Variants in IL1RL1 observed in about 807,000 individuals in gnomAD.
IL1RL1 encodes interleukin 1 receptor like 1.
IL1RL1 carries 32 observed loss-of-function variants against 50.9 expected under a neutral mutation model. The ratio of observed to expected loss-of-function variants is 0.63; its 90% CI spans 0.47 to 0.84. The LOEUF is 0.84. IL1RL1 is among the 40% of genes least tolerant of loss of function. The pLI is 0.00. For synonymous variants in IL1RL1, 275 were observed against 236.0 expected (o/e 1.17, Z -1.51); for missense variants, 773 against 662.9 (o/e 1.17, Z -1.82).
chr2:102,339,094 T>A, intron 3 of IL1RL1, 47 bp downstream of exon 3: 1 of 1,389,142 alleles, frequency 7.2e-7, no homozygotes. Flanking sequence ...CTCCCCTTTC[T>A]TCAGTGGTTG....
intron 6 of IL1RL1, among the ~76,000 whole-genome samples, 194 bp from the exon 7 acceptor site, chr2:102,342,842 G>A (rs1677623008): frequency 6.6e-6 from 1 of 152,106 alleles, no homozygotes; most frequent in Non-Finnish European, 1.5e-5. Flanking sequence ...AAACCCAGCT[G>A]GGTGAATGAA....
At position 102,340,126 on chromosome 2, in the gene IL1RL1, A is replaced by G; in HGVS notation, c.301A>G (p.Asn101Asp). ...CACATTCAATAGGACTGGATATGCG[A>G]ATGTCACCATATATAAAAAACAATC... ...SPTFNRTGYA[N>D]VTIYKKQSDC... Residue 101 changes from asparagine (N) to aspartate (D), a missense_variant, in exon 4 of 11, where the codon AAT (asparagine) becomes GAT (aspartate). Asn to Asp is a conservative substitution (Grantham distance 23). Coordinates refer to ENST00000233954, the MANE Select transcript of IL1RL1 (RefSeq NM_016232.5). 2 of 1,578,764 alleles carry G rather than the reference A, an allele frequency of 1.3e-6. No individual in the cohort carries two copies. Among genetic ancestry groups the G allele is most frequent in the Non-Finnish European group, 1.7e-6 (2 of 1,161,050 alleles).
rs1677182308 is a variant in IL1RL1, at chr2:102,331,656, G to T, written c.-149-6460G>T. Among the ~76,000 whole-genome samples the T allele has an allele frequency of 2.6e-5, 4 of 152,228 alleles. No homozygotes were observed. In the South Asian group the frequency reaches 8.3e-4, roughly 32 times the overall value. On this transcript the variant is annotated intron_variant, in intron 1 of 10. Coordinates refer to ENST00000233954, the MANE Select transcript of IL1RL1 (RefSeq NM_016232.5). ...TAAAAGAAATAAGACAGATATTCGG[G>T]GTAGAGATGTAAGAGCATGGTGAAA...
At chr2:102,347,657 C>T (rs1485789523) in intron 8 of IL1RL1, among the ~76,000 whole-genome samples, 1 of 152,202 alleles carries the variant, frequency 6.6e-6, no homozygotes, top group Admixed American at 6.5e-5. Context: ...AGCTCTCCTT[C>T]TAAACTCCTC....
At chr2:102,335,204 A>G (rs1426611581) in intron 1 of IL1RL1, among the ~76,000 whole-genome samples, 16 of 152,216 alleles carry the variant, frequency 1.1e-4, no homozygotes, top group Admixed American at 9.8e-4. Flanking sequence ...AAGTTGCTAT[A>G]AACTACTCTC....
chr2:102,316,520 A>T (rs1380742274), intron 1 of IL1RL1, among the ~76,000 whole-genome samples: 1 of 152,206 alleles, frequency 6.6e-6, no homozygotes, highest in Non-Finnish European at 1.5e-5. Context: ...AACAAGGTAG[A>T]TAAAGAAAGG....
At position 102,323,957 on chromosome 2, in the gene IL1RL1, A is replaced by G. The variant is rs75452158; in HGVS notation, c.-150+12334A>G. Among the ~76,000 whole-genome samples the G allele has an allele frequency of 1.3e-3, 196 of 150,894 alleles. 6 individuals are homozygous for G. In the East Asian group the frequency reaches 0.037, roughly 28 times the overall value. Reference sequence around the variant, plus strand: ...ATATAAATGGGACGATATAATATGCATTCTTTTAAAACTGGCTTCTTTCAT... The same window carrying G: ...ATATAAATGGGACGATATAATATGCGTTCTTTTAAAACTGGCTTCTTTCAT... On this transcript the variant is annotated intron_variant, in intron 1 of 10. Coordinates refer to ENST00000233954, the MANE Select transcript of IL1RL1 (RefSeq NM_016232.5).
intron 1 of IL1RL1, among the ~76,000 whole-genome samples, chr2:102,312,616 G>A (rs927018637): frequency 6.6e-6 from 1 of 152,068 alleles, no homozygotes; most frequent in Non-Finnish European, 1.5e-5. Flanking sequence ...GGGTGAGGAA[G>A]CAGGGTCATA....
intron 1 of IL1RL1, among the ~76,000 whole-genome samples, chr2:102,328,661 C>A (rs144641193): frequency 0.071 from 10,792 of 152,234 alleles, 523 homozygotes; most frequent in East Asian, 0.17. Flanking sequence ...GATAAAAAAT[C>A]AACGTGCAAA....
chr2:102,349,410 G>C (rs561973502), intron 10 of IL1RL1, among the ~76,000 whole-genome samples, 164 bp downstream of exon 10: 1 of 152,020 alleles, frequency 6.6e-6, no homozygotes, highest in African/African-American at 2.4e-5. Context: ...TCCTTCAATC[G>C]CCCCTCTCCC....
At chr2:102,331,531 C>T (rs1398057278) in intron 1 of IL1RL1, among the ~76,000 whole-genome samples, 1 of 152,164 alleles carries the variant, frequency 6.6e-6, no homozygotes, top group Non-Finnish European at 1.5e-5. Context: ...TGTCTGCAGT[C>T]CACAGAGCTT....
At chr2:102,318,425 G>A (rs1676741921) in intron 1 of IL1RL1, among the ~76,000 whole-genome samples, 1 of 148,896 alleles carries the variant, frequency 6.7e-6, no homozygotes, top group African/African-American at 2.6e-5. Context: ...CATCAACCAA[G>A]ATGAGAATGA....
rs1677654512 is a variant in IL1RL1 at position 102,343,378 on chromosome 2, G to C, written c.933G>C (p.Leu311Phe). The C allele has an allele frequency of 6.2e-7, 1 of 1,614,204 alleles. No homozygotes were observed. ...GTCTGGCCCTGAATTTGCATGGCTT[G>C]AGAAGGCACACCGTAAGACTAAGTA... ...YDCLALNLHGLRRHTVRLSRK... is the reference protein window; with the variant it reads ...YDCLALNLHGFRRHTVRLSRK... Residue 311 changes from leucine (L) to phenylalanine (F), a missense_variant, in exon 8 of 11, where the codon TTG becomes TTC. Leu to Phe is a conservative substitution (Grantham distance 22). Transcript: ENST00000233954.
At chr2:102,322,472 C>G (rs905911810) in intron 1 of IL1RL1, among the ~76,000 whole-genome samples, 24 of 152,198 alleles carry the variant, frequency 1.6e-4, no homozygotes, top group African/African-American at 5.8e-4. Context: ...ACCATTTCCT[C>G]TACAGCTGGC....
chr2:102,346,664 C>T lies in IL1RL1; in HGVS notation c.971-1281C>T, dbSNP rs537432524. ...GAATCCTGTTGAAATGATTTACTTA[C>T]GGAGTTTTCATTATTTAACCTGATG... On this transcript the variant is annotated intron_variant, in intron 8 of 10. Coordinates refer to ENST00000233954, the MANE Select transcript of IL1RL1 (RefSeq NM_016232.5). Among the ~76,000 whole-genome samples, 20 of 152,260 alleles carry T rather than the reference C, an allele frequency of 1.3e-4. No homozygotes were observed. The East Asian group carries it at 3.1e-3, about 23-fold the overall frequency.
At chr2:102,311,916 T>C (rs1338745590) in intron 1 of IL1RL1, among the ~76,000 whole-genome samples, 3 of 47,714 alleles carry the variant, frequency 6.3e-5, no homozygotes, top group African/African-American at 3.0e-4. Context: ...TTATATATTT[T>C]ATTATATAAT....
At chr2:102,351,105 G>C (rs934100554) in intron 10 of IL1RL1, among the ~76,000 whole-genome samples, 1 of 152,082 alleles carries the variant, frequency 6.6e-6, no homozygotes, top group South Asian at 2.1e-4. Context: ...AATTTTGAGG[G>C]GCAAAGCTTC....
intron 8 of IL1RL1, among the ~76,000 whole-genome samples, chr2:102,346,795 TA>T (rs1677798158): frequency 6.6e-6 from 1 of 152,212 alleles, no homozygotes; most frequent in Non-Finnish European, 1.5e-5. Context: ...ACTGATAAAC[TA>T]TTAGAGGTTG....
In IL1RL1 at chr2:102,349,179, T is replaced by C; in HGVS notation, c.1218T>C (p.Pro406=). Reference sequence around the variant, plus strand: ...AGCACTTTGTTCACCAGATTCTGCCTGATGTTCTTGAAAATAAATGTGGCT... The same window carrying C: ...AGCACTTTGTTCACCAGATTCTGCCCGATGTTCTTGAAAATAAATGTGGCT... ...RVEHFVHQIL[P]DVLENKCGYT... is the part of the protein sequence containing the mutation. The change falls in exon 10 of 11, where the codon CCT becomes CCC. Residue 406 remains proline, a synonymous_variant. Coordinates refer to ENST00000233954, the MANE Select transcript of IL1RL1 (RefSeq NM_016232.5). The C allele has an allele frequency of 6.2e-7, 1 of 1,613,676 alleles. No homozygotes were observed. The highest frequency in any genetic ancestry group is 8.5e-7 in the Non-Finnish European group (1 of 1,179,670).
Sources: allele counts gnomAD v4.1 joint callset (sites outside exome capture counted in the v4.1 genomes callset), GRCh38; gene constraint gnomAD v4.1.1; transcripts MANE v1.5; gene names NCBI Gene and HGNC (gene_info 2026-07-23, HGNC 2026-07-21).